FBXW7: variants seen among roughly 807,000 people sequenced by gnomAD.
FBXW7 encodes F-box/WD repeat-containing protein 7.
Under a neutral mutation model 86.3 loss-of-function variants are expected in FBXW7, and 11 were observed. The ratio of observed to expected loss-of-function variants is 0.13; its 90% confidence interval spans 0.08 to 0.21. The LOEUF is 0.21. FBXW7 is among the 10% of genes least tolerant of loss of function. FBXW7 has a pLI of 1.00. For missense variants in FBXW7, 488 were observed against 847.4 expected (o/e 0.58, Z 5.27); for synonymous variants, 313 against 297.9 (o/e 1.05, Z -0.52).
chr4:152,503,332 G>C (rs777471446), intron 2 of FBXW7, among the ~76,000 whole-genome samples: 3 of 151,732 alleles, frequency 2.0e-5, no homozygotes, highest in Non-Finnish European at 4.4e-5. Context: ...GTGCAGTGGC[G>C]CAATCTCGGC....
At chr4:152,349,990 A>T (rs1287759407) in intron 5 of FBXW7, 52 bp downstream of exon 5, 2 of 1,027,042 alleles carry the variant, frequency 1.9e-6, no homozygotes, top group Middle Eastern at 3.1e-4. Context: ...CACTTTCAGA[A>T]TCAACTCTAA....
chr4:152,334,349 A>G (rs1446069764), intron 7 of FBXW7, among the ~76,000 whole-genome samples: 1 of 152,164 alleles, frequency 6.6e-6, no homozygotes, highest in Non-Finnish European at 1.5e-5. Context: ...TAATTTGGGA[A>G]TTACCAATCA....
chr4:152,442,992 G>C (rs1215395892), intron 2 of FBXW7, among the ~76,000 whole-genome samples: 1 of 152,182 alleles, frequency 6.6e-6, no homozygotes, highest in East Asian at 1.9e-4. Flanking sequence ...GCCAGGCGCG[G>C]TGGCTCATGC....
At chr4:152,325,955 A>C (rs780458954) in intron 12 of FBXW7, 51 bp downstream of exon 12, 2 of 1,467,182 alleles carry the variant, frequency 1.4e-6, no homozygotes, top group Non-Finnish European at 1.9e-6. Context: ...TGAGTAAAAC[A>C]ACCTTATGAT....
intron 2 of FBXW7, among the ~76,000 whole-genome samples, chr4:152,474,604 A>C (rs946690297): frequency 1.3e-5 from 2 of 152,232 alleles, no homozygotes; most frequent in Admixed American, 6.5e-5. Context: ...TCAACAGTTT[A>C]TCTCTACCTT....
At chr4:152,329,027 ACT>A (rs1394897871) in intron 10 of FBXW7, 1 of 151,818 alleles carries the variant, frequency 6.6e-6, no homozygotes, top group Non-Finnish European at 1.5e-5. Context: ...TTGTTTTCAT[ACT>A]CTCTTCTGTT....
intron 2 of FBXW7, among the ~76,000 whole-genome samples, chr4:152,462,244 C>T (rs951649862): frequency 2.0e-5 from 3 of 152,194 alleles, no homozygotes. Flanking sequence ...AATTTTAACT[C>T]TTCTGTCAAC....
intron 4 of FBXW7, among the ~76,000 whole-genome samples, chr4:152,364,929 A>G (rs1179086915): frequency 1.3e-5 from 2 of 152,196 alleles, no homozygotes; most frequent in Non-Finnish European, 2.9e-5. Flanking sequence ...CATTCATTCA[A>G]TATAATAGTT....
In FBXW7 at chr4:152,411,479, C is replaced by T. The variant is rs2126878709; in HGVS notation, c.325G>A (p.Asp109Asn). Reference protein sequence around the residue: ...EEDEEHAGEQDEEDEEEEEMD... With the variant: ...EEDEEHAGEQNEEDEEEEEMD... ...TCCTCCTCCTCCTCATCCTCCTCAT[C>T]TTGTTCACCAGCATGTTCTTCATCT... The change falls in exon 4 of 14, where the codon GAT becomes AAT. Residue 109 changes from aspartate (D) to asparagine (N), a missense_variant. Transcript: ENST00000281708. 6.2e-7 allele frequency: 1 copy of T among 1,613,594 alleles called. No homozygotes were observed. The highest frequency in any genetic ancestry group is 8.5e-7 in the Non-Finnish European group (1 of 1,179,780).
chr4:152,334,190 T>G (rs1017928230), intron 7 of FBXW7, among the ~76,000 whole-genome samples: 1 of 152,218 alleles, frequency 6.6e-6, no homozygotes, highest in African/African-American at 2.4e-5. Context: ...AAAAACTTTT[T>G]GTGAAATAAT....
intron 2 of FBXW7, among the ~76,000 whole-genome samples, chr4:152,418,242 A>G (rs538624988): frequency 6.6e-6 from 1 of 151,214 alleles, no homozygotes; most frequent in South Asian, 2.1e-4. Flanking sequence ...AGTAGGCTAC[A>G]GTCTGTTGAA....
intron 4 of FBXW7, among the ~76,000 whole-genome samples, chr4:152,381,270 T>C (rs1015471528): frequency 4.6e-5 from 7 of 152,104 alleles, no homozygotes; most frequent in South Asian, 2.1e-4. Context: ...TTCTATTTAA[T>C]AGAATATTTC....
At chr4:152,514,472 T>C (rs989575028) in intron 2 of FBXW7, among the ~76,000 whole-genome samples, 1 of 152,156 alleles carries the variant, frequency 6.6e-6, no homozygotes, top group African/African-American at 2.4e-5. Flanking sequence ...CTCTAGGGGA[T>C]GATATAATTT....
chr4:152,507,746 C>T (rs75949497), intron 2 of FBXW7, among the ~76,000 whole-genome samples: 2,092 of 152,172 alleles, frequency 0.014, 26 homozygotes, highest in Middle Eastern at 0.037. Context: ...GAACATTTTG[C>T]GCTACTAGAA....
chr4:152,404,482 C>T (rs1344080624), intron 4 of FBXW7, among the ~76,000 whole-genome samples: 1 of 152,112 alleles, frequency 6.6e-6, no homozygotes, highest in Non-Finnish European at 1.5e-5. Context: ...TACACACACA[C>T]ATATATAAAA....
At chr4:152,382,179 T>A in intron 4 of FBXW7, 1 of 1,541,856 alleles carries the variant, frequency 6.5e-7, no homozygotes, top group Non-Finnish European at 8.8e-7. Context: ...TTCAAATGTG[T>A]GAGACTTACC....
chr4:152,385,493 GA>G (rs1442570817), intron 4 of FBXW7, among the ~76,000 whole-genome samples: 3 of 151,768 alleles, frequency 2.0e-5, no homozygotes, highest in South Asian at 2.1e-4. Context: ...CTAACGGGGG[GA>G]AAAAAGATTT....
intron 2 of FBXW7, among the ~76,000 whole-genome samples, chr4:152,488,885 A>G (rs1286965436): frequency 6.6e-6 from 1 of 152,112 alleles, no homozygotes; most frequent in Non-Finnish European, 1.5e-5. Context: ...AAAATACAGC[A>G]AAGATTAATA....
Position 152,349,958 on chromosome 4 carries a change from A to C in FBXW7, c.584+84T>G, listed in dbSNP as rs34708673. 0.024 allele frequency: 17,209 copies of C among 721,554 alleles called. 1,169 individuals carry two copies. Among genetic ancestry groups the C allele is most frequent in the East Asian group, 0.2 (7,006 of 34,426 alleles). 44.7% of individuals were successfully genotyped at this position (721,554 alleles called of 1,614,324 possible). ...AGTCAACCGTACTAGTAACATTATT[A>C]TTCTACAAGAATAAACTAAAACACT... On this transcript the variant is annotated intron_variant, in intron 5 of 13. Coordinates refer to ENST00000281708, the MANE Select transcript of FBXW7 (RefSeq NM_001349798.2).
Sources: gnomAD v4.1 joint callset for allele counts (sites outside exome capture counted in the v4.1 genomes callset) on GRCh38, gnomAD v4.1.1 for gene constraint, MANE v1.5 for transcripts, NCBI Gene and HGNC (gene_info 2026-07-23, HGNC 2026-07-21) for gene names.